Variants in RBFOX1 observed in about 807,000 individuals in gnomAD.
RBFOX1 encodes RNA binding protein fox-1 homolog 1.
RBFOX1 carries 8 observed loss-of-function variants against 57.7 expected under a neutral mutation model. The observed-to-expected ratio is 0.14, with a 90% confidence interval of 0.08 to 0.25. The LOEUF (loss-of-function observed/expected upper bound fraction) is 0.25, where lower values mean the gene tolerates loss of function less well. Ranked by LOEUF, RBFOX1 falls within the 10% of genes least tolerant of loss-of-function variation. The probability of loss-of-function intolerance (pLI) is 1.00; values close to 1 mark genes in which losing one functional copy is unlikely to be tolerated. For missense variants in RBFOX1, 611 were observed against 548.5 expected (o/e 1.11, Z -1.14); for synonymous variants, 326 against 222.4 (o/e 1.47, Z -4.15).
intron 1 of RBFOX1, among the ~76,000 whole-genome samples, chr16:6,073,236 C>A (rs764903029): frequency 8.5e-5 from 13 of 152,188 alleles, no homozygotes; most frequent in Non-Finnish European, 1.6e-4. Context: ...GAACTACTCA[C>A]AGCATGCATA....
chr16:5,777,090 A>G (rs2054172616), intron 3 of RBFOX1, among the ~76,000 whole-genome samples: 1 of 152,162 alleles, frequency 6.6e-6, no homozygotes, highest in African/African-American at 2.4e-5. Flanking sequence ...GGAGCAAATT[A>G]CTCACACTTT....
intron 2 of RBFOX1, among the ~76,000 whole-genome samples, chr16:5,539,902 G>C (rs909211363): frequency 2.6e-5 from 4 of 152,330 alleles, no homozygotes; most frequent in African/African-American, 9.6e-5. Context: ...CATTTAAGAG[G>C]TAAACAAGTA....
At chr16:6,620,977 G>C (rs1016738235) in intron 2 of RBFOX1, among the ~76,000 whole-genome samples, 1 of 152,216 alleles carries the variant, frequency 6.6e-6, no homozygotes, top group Non-Finnish European at 1.5e-5. Context: ...CTGAAATCAG[G>C]ATGTCAGCAG....
chr16:5,258,925 G>A (rs1384515817), intron 1 of RBFOX1, among the ~76,000 whole-genome samples: 1 of 150,916 alleles, frequency 6.6e-6, no homozygotes. Context: ...AAAAAAAAAA[G>A]AAGTCTCTCA....
At chr16:5,258,175 C>A (rs188507856) in intron 1 of RBFOX1, among the ~76,000 whole-genome samples, 244 of 152,208 alleles carry the variant, frequency 1.6e-3, no homozygotes, top group African/African-American at 5.5e-3. Flanking sequence ...AGCTGCTGTG[C>A]CTGGCCAAGG....
At chr16:6,478,430 T>TATATATATATATATATA (rs1491380922) in intron 2 of RBFOX1, among the ~76,000 whole-genome samples, 1 of 12,750 alleles carries the variant, frequency 7.8e-5, no homozygotes, top group African/African-American at 2.9e-4. Flanking sequence ...TATATATATA[T>TATATATATATATATATA]TTTTTTTTTT....
chr16:6,572,681 C>T (rs575284961), intron 2 of RBFOX1, among the ~76,000 whole-genome samples: 55 of 152,154 alleles, frequency 3.6e-4, no homozygotes, highest in African/African-American at 1.3e-3. Context: ...CAACCTCTGC[C>T]TCCCGGGCTC....
chr16:6,729,820 C>A (rs2068089239), intron 3 of RBFOX1, among the ~76,000 whole-genome samples: 1 of 152,032 alleles, frequency 6.6e-6, no homozygotes, highest in South Asian at 2.1e-4. Flanking sequence ...GATATTTCTC[C>A]TGGTAAATGC....
At chr16:7,208,200 T>G (rs908500598) in intron 4 of RBFOX1, among the ~76,000 whole-genome samples, 1 of 152,188 alleles carries the variant, frequency 6.6e-6, no homozygotes, top group African/African-American at 2.4e-5. Flanking sequence ...TAGCCAATTA[T>G]GTCACCATCT....
intron 3 of RBFOX1, among the ~76,000 whole-genome samples, chr16:6,864,269 T>G (rs2059533975): frequency 6.6e-6 from 1 of 152,146 alleles, no homozygotes; most frequent in African/African-American, 2.4e-5. Flanking sequence ...TTTAGACACG[T>G]TCAAAAATAA....
chr16:7,093,934 C>A (rs1316456790), intron 4 of RBFOX1, among the ~76,000 whole-genome samples: 8 of 151,620 alleles, frequency 5.3e-5, no homozygotes, highest in African/African-American at 1.9e-4. Context: ...AATGGTGTGA[C>A]TATATAAGGC....
chr16:6,597,027 G>C (rs1429105206), intron 2 of RBFOX1, among the ~76,000 whole-genome samples: 1 of 152,112 alleles, frequency 6.6e-6, no homozygotes, highest in Non-Finnish European at 1.5e-5. Context: ...TATCAACTTG[G>C]TAAAGGTTTG....
chr16:5,777,662 A>G (rs917536356), intron 3 of RBFOX1, among the ~76,000 whole-genome samples: 1 of 152,202 alleles, frequency 6.6e-6, no homozygotes. Flanking sequence ...ACAACCAAAT[A>G]GGGTTGTTGT....
chr16:5,942,450 C>A (rs1422348276), intron 4 of RBFOX1, among the ~76,000 whole-genome samples: 1 of 152,168 alleles, frequency 6.6e-6, no homozygotes, highest in Non-Finnish European at 1.5e-5. Flanking sequence ...GAAAAGATAT[C>A]TCATTCGACC....
intron 3 of RBFOX1, among the ~76,000 whole-genome samples, chr16:6,809,852 C>G (rs1272432851): frequency 6.6e-6 from 1 of 152,084 alleles, no homozygotes; most frequent in African/African-American, 2.4e-5. Flanking sequence ...AAGTGTAATT[C>G]ACCAGTCCGG....
At chr16:6,969,758 A>T (rs984917189) in intron 3 of RBFOX1, among the ~76,000 whole-genome samples, 4 of 152,006 alleles carry the variant, frequency 2.6e-5, no homozygotes, top group Non-Finnish European at 4.4e-5. Context: ...AAATAAAAAT[A>T]AGGTAACGTA....
chr16:7,711,924 T>C lies in RBFOX1; in HGVS notation c.*1179T>C, dbSNP rs1210843027. ...GAACAATCTGCAATTTTTCAGTCCG[T>C]GAGATCCTGCCCTTCCACCTCTTTC... is the stretch of plus-strand genomic sequence containing the variant. On this transcript the variant is annotated 3_prime_UTR_variant, in exon 16 of 16. Transcript: ENST00000550418. 6.6e-6 allele frequency: 1 copy of C among 152,500 alleles called. No individual in the cohort carries two copies. Among genetic ancestry groups the C allele is most frequent in the Non-Finnish European group, 1.5e-5 (1 of 68,014 alleles). 9.4% of individuals were successfully genotyped at this position (152,500 alleles called of 1,614,324 possible).
chr16:7,357,886 G>A (rs2097248931), intron 4 of RBFOX1, among the ~76,000 whole-genome samples: 1 of 151,996 alleles, frequency 6.6e-6, no homozygotes, highest in African/African-American at 2.4e-5. Flanking sequence ...TCTAGTTTTG[G>A]TTCCTCTTTA....
At chr16:5,836,486 C>G (rs1228817838) in intron 3 of RBFOX1, among the ~76,000 whole-genome samples, 1 of 152,160 alleles carries the variant, frequency 6.6e-6, no homozygotes, top group East Asian at 1.9e-4. Context: ...AACCATGACC[C>G]ACCTTCTTCT....
Sources: allele counts gnomAD v4.1 joint callset (sites outside exome capture counted in the v4.1 genomes callset), GRCh38; gene constraint gnomAD v4.1.1; transcripts MANE v1.5; gene names NCBI Gene and HGNC (gene_info 2026-07-23, HGNC 2026-07-21).